The following DGKD variants were observed in gnomAD, a reference collection of about 807,000 sequenced individuals.
The protein encoded by DGKD is diacylglycerol kinase delta, also known as DAG kinase delta.
A neutral mutation model predicts 154.4 loss-of-function variants in DGKD; 68 were observed. That is an observed-to-expected ratio of 0.44 (90% CI 0.36 to 0.54). The LOEUF (loss-of-function observed/expected upper bound fraction) is 0.54, where lower values mean the gene tolerates loss of function less well. Ranked by LOEUF, DGKD falls within the 20% of genes least tolerant of loss-of-function variation. DGKD has a pLI of 0.00. For missense variants in DGKD, 1,343 were observed against 1,593.6 expected (o/e 0.84, Z 2.68); for synonymous variants, 693 against 638.0 (o/e 1.09, Z -1.30).
intron 3 of DGKD, among the ~76,000 whole-genome samples, chr2:233,399,091 T>C (rs1208419276): frequency 1.3e-5 from 2 of 152,256 alleles, no homozygotes. Context: ...TCATTTAGTT[T>C]TTGAAATTTC....
rs958488258 is a variant in DGKD, at chr2:233,388,343, G to A, written c.243G>A (p.Thr81=). ...GATACTTTAAGCTTCGAGGGCGAAC[G>A]CTTTACTATGCCAAAACGGCAAAGG... ...KRRYFKLRGR[T]LYYAKTAKSI... The change falls in exon 2 of 30, where the codon ACG becomes ACA. Residue 81 remains threonine, a synonymous_variant. Coordinates refer to ENST00000264057, the MANE Select transcript of DGKD (RefSeq NM_152879.3). The A allele has an allele frequency of 1.1e-5, 17 of 1,613,680 alleles. No homozygotes were observed. The highest frequency in any genetic ancestry group is 6.7e-5 in the East Asian group (3 of 44,898).
chr2:233,392,204 T>G (rs1703669626), intron 3 of DGKD: 1 of 152,186 alleles, frequency 6.6e-6, no homozygotes, highest in African/African-American at 2.4e-5. Flanking sequence ...TTCGTAATTT[T>G]AGTAGAGATG....
At position 233,459,402 on chromosome 2, in the gene DGKD, G is replaced by C. The variant is rs80237433; in HGVS notation, c.2695-355G>C. ...CTCATCGTCATCCACTGTGCCATCT[G>C]CTCTTTTCTAGGGGTGTTTTCACGT... is the stretch of plus-strand genomic sequence containing the variant. On this transcript the variant is annotated intron_variant, in intron 22 of 29. Transcript: ENST00000264057. The surrounding 1 kb of genome is among the most constrained non-coding windows in gnomAD (Gnocchi z 5.7). 1.3e-5 allele frequency among the ~76,000 whole-genome samples: 2 copies of C among 152,332 alleles called. No individual in the cohort carries two copies. The highest frequency in any genetic ancestry group is 2.9e-5 in the Non-Finnish European group (2 of 68,022).
intron 3 of DGKD, among the ~76,000 whole-genome samples, chr2:233,390,844 C>T (rs1055479607): frequency 6.6e-6 from 1 of 152,198 alleles, no homozygotes. Flanking sequence ...AGCGATTCTC[C>T]TGCCTCAGCC....
At position 233,354,582 on chromosome 2, in the gene DGKD, G is replaced by A. The variant is rs1297489970; in HGVS notation, c.64G>A (p.Glu22Lys). ...GCAACCGCCTCCGCCGCCGCCGCCC[G>A]AGGAGTCGTCCGACAGCGAGCCCGA... ...PPQPPPPPPP[E>K]ESSDSEPEAE... Residue 22 changes from glutamate to lysine, a missense_variant, in exon 1 of 30, where the codon GAG becomes AAG. Around this residue, in one of 6 missense-constraint regions of DGKD, gnomAD observed 57 missense variants for 27.8 expected, o/e 2.05. Transcript: ENST00000264057. This position sits in a 1 kb window ranked among gnomAD's most constrained non-coding sequence, Gnocchi z 4.8. 2 of 1,100,452 alleles carry A rather than the reference G, an allele frequency of 1.8e-6. No homozygotes were observed. Among genetic ancestry groups the A allele is most frequent in the Non-Finnish European group, 2.2e-6 (2 of 889,900 alleles). The allele number at this position is 1,100,452 out of a possible 1,614,324, so 68.2% of individuals were successfully genotyped here.
At chr2:233,434,353 A>T (rs149371433) in intron 3 of DGKD, 27 bp from the exon 4 acceptor site, 2 of 1,585,854 alleles carry the variant, frequency 1.3e-6, no homozygotes, top group Admixed American at 3.4e-5. Flanking sequence ...TTGTTCATGG[A>T]TCTGTTGAAC....
intron 24 of DGKD, among the ~76,000 whole-genome samples, chr2:233,461,515 G>C (rs1245631483): frequency 6.6e-6 from 1 of 152,184 alleles, no homozygotes; most frequent in Non-Finnish European, 1.5e-5. Flanking sequence ...CCAGGAGTTG[G>C]TGCCACTGCG....
At chr2:233,460,460 A>G (rs2063593342) in intron 24 of DGKD, 115 bp downstream of exon 24, 3 of 1,368,614 alleles carry the variant, frequency 2.2e-6, no homozygotes, top group Non-Finnish European at 3.0e-6. Context: ...TGGGGTCTGC[A>G]TTACCCATGA....
intron 26 of DGKD, among the ~76,000 whole-genome samples, chr2:233,463,060 T>C (rs115636882): frequency 2.6e-5 from 4 of 152,164 alleles, no homozygotes; most frequent in African/African-American, 7.2e-5. Context: ...GCACCTTCCA[T>C]GCTCAGCCCT....
At chr2:233,374,398 C>T (rs1037069531) in intron 1 of DGKD, among the ~76,000 whole-genome samples, 1 of 151,810 alleles carries the variant, frequency 6.6e-6, no homozygotes, top group African/African-American at 2.4e-5. Flanking sequence ...GCAGTGGTGC[C>T]ATCATCACTC....
At chr2:233,364,384 A>G (rs1191368236) in intron 1 of DGKD, among the ~76,000 whole-genome samples, 1 of 152,208 alleles carries the variant, frequency 6.6e-6, no homozygotes, top group Admixed American at 6.5e-5. Flanking sequence ...AGGAATAGAG[A>G]CTTAAGGGTT....
At chr2:233,447,434 A>AC (rs1171514831) in intron 12 of DGKD, 1 of 978,346 alleles carries the variant, frequency 1.0e-6, no homozygotes, top group Non-Finnish European at 1.2e-6. Flanking sequence ...CGGTCAGCAA[A>AC]CAAGGCCTGC....
intron 1 of DGKD, among the ~76,000 whole-genome samples, chr2:233,370,665 G>C (rs890448609): frequency 1.3e-5 from 2 of 151,136 alleles, no homozygotes; most frequent in Non-Finnish European, 2.9e-5. Context: ...AGATATTTGG[G>C]TTGCTTCTAC....
intron 18 of DGKD, among the ~76,000 whole-genome samples, chr2:233,453,081 C>G (rs1428678015): frequency 1.3e-5 from 2 of 152,192 alleles, no homozygotes; most frequent in Admixed American, 6.5e-5. Flanking sequence ...AGCACTGTCC[C>G]TAGAGGCCCC....
chr2:233,419,811 C>T (rs563125148), intron 3 of DGKD, among the ~76,000 whole-genome samples: 21 of 152,112 alleles, frequency 1.4e-4, no homozygotes, highest in Admixed American at 1.2e-3. Flanking sequence ...TGTCTGTCGA[C>T]GGTGCAGGAC....
intron 24 of DGKD, among the ~76,000 whole-genome samples, 182 bp downstream of exon 24, chr2:233,460,527 G>T (rs1243936324): frequency 6.6e-6 from 1 of 152,182 alleles, no homozygotes; most frequent in East Asian, 1.9e-4. Context: ...TGGTCTTTCA[G>T]AACTCGCCTG....
At chr2:233,444,498 A>G (rs1359972955) in intron 10 of DGKD, among the ~76,000 whole-genome samples, 1 of 150,896 alleles carries the variant, frequency 6.6e-6, no homozygotes, top group African/African-American at 2.5e-5. Flanking sequence ...CTCTTCACTG[A>G]GCTCTGCCTT....
At chr2:233,383,979 C>T (rs908011455) in intron 1 of DGKD, among the ~76,000 whole-genome samples, 1 of 151,674 alleles carries the variant, frequency 6.6e-6, no homozygotes, top group Non-Finnish European at 1.5e-5. Flanking sequence ...ACTCTGTAGC[C>T]GGTAAAAATG....
intron 3 of DGKD, among the ~76,000 whole-genome samples, chr2:233,424,676 GC>G (rs1417651541): frequency 6.6e-6 from 1 of 152,184 alleles, no homozygotes; most frequent in South Asian, 2.1e-4. Flanking sequence ...TCCGCCTGGA[GC>G]CCCCCTGCCT....
Sources: allele counts gnomAD v4.1 joint callset (sites outside exome capture counted in the v4.1 genomes callset), GRCh38; gene constraint gnomAD v4.1.1; regional missense constraint gnomAD v4.1.1; non-coding constraint Gnocchi (gnomAD v3.1); transcripts MANE v1.5; gene names NCBI Gene and HGNC (gene_info 2026-07-23, HGNC 2026-07-21).